Variants in TENM2 observed in about 807,000 individuals in gnomAD.
TENM2 encodes teneurin-2.
Under a neutral mutation model 245.2 loss-of-function variants are expected in TENM2, and 52 were observed. The observed-to-expected ratio is 0.21, with a 90% CI of 0.17 to 0.27. The LOEUF (loss-of-function observed/expected upper bound fraction) is 0.27, where lower values mean the gene tolerates loss of function less well. TENM2 is among the 10% of genes least tolerant of loss of function. The pLI is 1.00. For missense variants in TENM2, 3,046 were observed against 3,666.8 expected (o/e 0.83, Z 4.37); for synonymous variants, 1,363 against 1,438.9 (o/e 0.95, Z 1.19).
Position 167,812,262 on chromosome 5 carries a change from G to A in TENM2, c.503-63724G>A, listed in dbSNP as rs184116860. On this transcript the variant is annotated intron_variant, in intron 2 of 28. Coordinates refer to ENST00000518659, the Ensembl canonical transcript of TENM2. The stretch of plus-strand genomic sequence containing the variant: ...TGTAATGAAGGCTTTGTCTGGAGCC[G>A]AGGGAGAATTTTTAAGTAGGGCTGA... 4.6e-5 allele frequency among the ~76,000 whole-genome samples: 7 copies of A among 152,242 alleles called. No individual in the cohort carries two copies. In the South Asian group the frequency reaches 6.2e-4, roughly 14 times the overall value.
intron 4 of TENM2, among the ~76,000 whole-genome samples, chr5:167,985,089 T>C (rs1454270441): frequency 6.6e-6 from 1 of 152,204 alleles, no homozygotes; most frequent in Non-Finnish European, 1.5e-5. Context: ...TTAAACTTAC[T>C]CTTTTAGAGA....
At chr5:167,206,106 G>A in the TENM2 span, among the ~76,000 whole-genome samples, 11 of 152,242 alleles carry the variant, frequency 7.2e-5, no homozygotes, top group East Asian at 2.1e-3. Context: ...TGACATCGGG[G>A]CCAAAGGTCG....
intron 1 of TENM2, among the ~76,000 whole-genome samples, chr5:167,311,472 A>C (rs1561853757): frequency 2.0e-5 from 3 of 152,172 alleles, no homozygotes; most frequent in African/African-American, 7.2e-5. Flanking sequence ...TACTTTTGTC[A>C]TGAATGCTTT....
chr5:167,297,650 G>A (rs1755025078), intron 1 of TENM2: 1 of 152,146 alleles, frequency 6.6e-6, no homozygotes, highest in African/African-American at 2.4e-5. Context: ...TCCATGTGAA[G>A]AGACCACCAA....
chr5:167,873,518 AATGGGAATGTGTTATTTCATTTT>A (rs1773160160), intron 2 of TENM2, among the ~76,000 whole-genome samples: 1 of 152,148 alleles, frequency 6.6e-6, no homozygotes, highest in Non-Finnish European at 1.5e-5. Context: ...TCATGTATGA[AATGGGAATGTGTTATTTCATTTT>A]ATGGGAATAT....
chr5:167,471,970 A>G (rs1767057499), intron 2 of TENM2, among the ~76,000 whole-genome samples: 1 of 152,190 alleles, frequency 6.6e-6, no homozygotes, highest in African/African-American at 2.4e-5. Flanking sequence ...ATGCAACGCC[A>G]TTGCCAGTTA....
At chr5:168,227,537 G>C (rs1175648005) in intron 24 of TENM2, among the ~76,000 whole-genome samples, 1 of 142,974 alleles carries the variant, frequency 7.0e-6, no homozygotes, top group African/African-American at 2.6e-5. Flanking sequence ...TTTTTTTCCT[G>C]GTATAAGCTA....
chr5:167,216,102 T>C, the TENM2 span, among the ~76,000 whole-genome samples: 36 of 152,320 alleles, frequency 2.4e-4, no homozygotes, highest in Non-Finnish European at 4.4e-4. Context: ...TCCTTCGTGA[T>C]AGGACTAACA....
chr5:167,355,233 A>G (rs1759232767), intron 1 of TENM2, among the ~76,000 whole-genome samples: 1 of 152,262 alleles, frequency 6.6e-6, no homozygotes, highest in African/African-American at 2.4e-5. Flanking sequence ...AATGGCAACT[A>G]TTCTTGGGGA....
intron 7 of TENM2, among the ~76,000 whole-genome samples, chr5:168,066,705 A>T (rs1424959118): frequency 1.3e-5 from 2 of 152,186 alleles, no homozygotes; most frequent in East Asian, 3.9e-4. Context: ...AGAAAAAAAA[A>T]GTCAATCTGA....
At chr5:168,035,496 CAAAAA>C (rs397949588) in intron 5 of TENM2, among the ~76,000 whole-genome samples, 1 of 69,232 alleles carries the variant, frequency 1.4e-5, no homozygotes, top group African/African-American at 4.7e-5. Context: ...GACCCTGTCT[CAAAAA>C]AAAAAAAAAA....
chr5:168,078,208 T>C (rs562886054), intron 7 of TENM2, among the ~76,000 whole-genome samples: 50 of 152,368 alleles, frequency 3.3e-4, no homozygotes, highest in African/African-American at 1.2e-3. Flanking sequence ...ATGTGTCTGT[T>C]GGCTGCATAA....
intron 2 of TENM2, among the ~76,000 whole-genome samples, chr5:167,395,374 C>T (rs1247274753): frequency 1.3e-5 from 2 of 152,030 alleles, no homozygotes; most frequent in African/African-American, 4.8e-5. Context: ...TCAGTTCTAA[C>T]AGGTTGTGGG....
intron 5 of TENM2, among the ~76,000 whole-genome samples, chr5:168,026,011 A>T (rs1202575531): frequency 6.6e-6 from 1 of 152,164 alleles, no homozygotes; most frequent in Non-Finnish European, 1.5e-5. Context: ...ACTTCTATTA[A>T]TAATAAGTTG....
At chr5:167,475,767 T>A (rs12153122) in intron 2 of TENM2, among the ~76,000 whole-genome samples, 104,413 of 151,872 alleles carry the variant, frequency 0.69, 36,500 homozygotes, top group Non-Finnish European at 0.75. Flanking sequence ...TCTGTTCCTG[T>A]GTTAGTTTGC....
chr5:167,110,773 T>G, the TENM2 span, among the ~76,000 whole-genome samples: 3 of 152,184 alleles, frequency 2.0e-5, no homozygotes, highest in South Asian at 6.2e-4. Flanking sequence ...TTTTATTTCC[T>G]TATAATCAAA....
At chr5:168,156,267 C>CA (rs1757173242) in intron 12 of TENM2, among the ~76,000 whole-genome samples, 1 of 31,602 alleles carries the variant, frequency 3.2e-5, no homozygotes, top group Non-Finnish European at 6.6e-5. Flanking sequence ...AAAAAAAAAA[C>CA]ACTTTTTTTT....
chr5:168,079,675 C>G (rs1791803727), intron 7 of TENM2, among the ~76,000 whole-genome samples: 2 of 152,168 alleles, frequency 1.3e-5, no homozygotes, highest in Non-Finnish European at 2.9e-5. Flanking sequence ...TTTTCTGCAT[C>G]TATTGAGATA....
chr5:167,116,357 T>C, the TENM2 span: 1 of 152,192 alleles, frequency 6.6e-6, no homozygotes, highest in Non-Finnish European at 1.5e-5. Flanking sequence ...AGGAAACCCA[T>C]GTCCCACAGG....
Sources: gnomAD v4.1 joint callset for allele counts (sites outside exome capture counted in the v4.1 genomes callset) on GRCh38, gnomAD v4.1.1 for gene constraint, MANE v1.5 for transcripts, NCBI Gene and HGNC (gene_info 2026-07-23, HGNC 2026-07-21) for gene names.